MID1: variants seen among roughly 807,000 people sequenced by gnomAD.
MID1 encodes midline 1, also known as E3 ubiquitin-protein ligase Midline-1.
MID1 carries 7 observed loss-of-function variants against 40.4 expected under a neutral mutation model. The observed-to-expected ratio is 0.17, with a 90% CI of 0.10 to 0.33. MID1 has a LOEUF of 0.33. MID1 is among the 10% of genes least tolerant of loss of function. MID1 has a pLI of 1.00. For synonymous variants in MID1, 229 were observed against 221.2 expected (o/e 1.04, Z -0.31); for missense variants, 367 against 558.5 (o/e 0.66, Z 3.46).
At chrX:10,506,539 G>A (rs1002787028) in intron 3 of MID1, 1 of 513,963 alleles carries the variant, frequency 1.9e-6, no homozygotes, top group Non-Finnish European at 3.5e-6. Flanking sequence ...GGAGCTGGTT[G>A]AAAGCTGTTG....
At chrX:10,680,827 T>C (rs2043054124) in intron 1 of MID1, among the ~76,000 whole-genome samples, 1 of 109,168 alleles carries the variant, frequency 9.2e-6, no homozygotes. Context: ...GCTCAGGAGT[T>C]CAAGATCAGC....
intron 1 of MID1, among the ~76,000 whole-genome samples, chrX:10,635,091 T>G (rs192366967): frequency 1.8e-5 from 2 of 112,457 alleles, no homozygotes; most frequent in Admixed American, 1.9e-4. Context: ...AAGGTATTAC[T>G]CATGGGCAAA....
At chrX:10,756,874 G>A (rs1475665646) in intron 1 of MID1, among the ~76,000 whole-genome samples, 1 of 111,552 alleles carries the variant, frequency 9.0e-6, no homozygotes, top group Non-Finnish European at 1.9e-5. Context: ...GCACTTTCCC[G>A]GGCATTGGAC....
At chrX:10,553,117 G>A (rs775515417) in intron 2 of MID1, among the ~76,000 whole-genome samples, 67 of 110,176 alleles carry the variant, frequency 6.1e-4, no homozygotes, top group African/African-American at 2.1e-3. Flanking sequence ...GCGTGGTGGC[G>A]CATGCCTGTA....
chrX:10,558,958 C>T (rs1323173061), intron 2 of MID1, among the ~76,000 whole-genome samples: 2 of 111,894 alleles, frequency 1.8e-5, no homozygotes, highest in African/African-American at 6.5e-5. Flanking sequence ...ACATTGCTCT[C>T]TGCAGGTGAA....
chrX:10,720,052 A>G (rs758947461), intron 1 of MID1, among the ~76,000 whole-genome samples: 2 of 112,166 alleles, frequency 1.8e-5, no homozygotes, highest in African/African-American at 6.5e-5. Context: ...TTAATTCAAG[A>G]TGGATTAAAG....
At chrX:10,790,484 A>C (rs759453526) in intron 1 of MID1, among the ~76,000 whole-genome samples, 14 of 110,260 alleles carry the variant, frequency 1.3e-4, no homozygotes, top group Admixed American at 4.9e-4. Flanking sequence ...GCCATTAGGC[A>C]GCATTGGTAA....
chrX:10,795,197 A>G (rs1183823921), intron 1 of MID1, among the ~76,000 whole-genome samples: 1 of 112,473 alleles, frequency 8.9e-6, no homozygotes, highest in East Asian at 2.8e-4. Flanking sequence ...GTCCCTTGGA[A>G]AGAAAAACCA....
chrX:10,636,886 CTGTGTGTGTG>C (rs36101583), intron 1 of MID1, among the ~76,000 whole-genome samples: 30 of 89,857 alleles, frequency 3.3e-4, no homozygotes, highest in African/African-American at 1.1e-3. Context: ...TCTTAAAACG[CTGTGTGTGTG>C]TGTGTGTGTG....
At position 10,581,370 on chromosome X, in the gene MID1, G is replaced by A. The variant is rs756249523; in HGVS notation, c.-56-13767C>T. ...TGCCATTTCCTTGCAAAGGCAGATC[G>A]GAGCCAGATACTGTACATATCTTAT... On this transcript the variant is annotated intron_variant, in intron 1 of 9. Transcript: ENST00000317552. 4.4e-5 allele frequency among the ~76,000 whole-genome samples: 5 copies of A among 112,629 alleles called. No homozygotes were observed. In the East Asian group the frequency reaches 8.3e-4, roughly 19 times the overall value.
At chrX:10,641,710 C>T (rs1440625897) in intron 1 of MID1, among the ~76,000 whole-genome samples, 1 of 111,295 alleles carries the variant, frequency 9.0e-6, no homozygotes, top group Non-Finnish European at 1.9e-5. Flanking sequence ...AGAGACACAA[C>T]AAAAAAAGAG....
At chrX:10,470,916 G>C (rs1011571426) in intron 6 of MID1, among the ~76,000 whole-genome samples, 2 of 112,228 alleles carry the variant, frequency 1.8e-5, no homozygotes, top group Admixed American at 9.4e-5. Context: ...TGTGGGCCAA[G>C]TCTGGCCCAC....
chrX:10,517,268 C>T (rs930087295), intron 3 of MID1, among the ~76,000 whole-genome samples: 2 of 111,326 alleles, frequency 1.8e-5, no homozygotes, highest in African/African-American at 6.5e-5. Flanking sequence ...AATACAAGGA[C>T]ACCTTCAGGA....
intron 3 of MID1, among the ~76,000 whole-genome samples, chrX:10,513,214 A>G (rs139017452): frequency 0.031 from 3,465 of 112,400 alleles, 88 homozygotes; most frequent in African/African-American, 0.078. Flanking sequence ...GATAATTTCA[A>G]CTTGATTGTC....
intron 1 of MID1, among the ~76,000 whole-genome samples, chrX:10,647,456 G>C (rs1936273662): frequency 8.9e-6 from 1 of 111,914 alleles, no homozygotes; most frequent in Admixed American, 9.5e-5. Flanking sequence ...AAACTATTAA[G>C]AGTATTGTGT....
At chrX:10,685,751 G>T (rs2147072840) in intron 1 of MID1, among the ~76,000 whole-genome samples, 1 of 111,031 alleles carries the variant, frequency 9.0e-6, no homozygotes, top group Admixed American at 9.6e-5. Context: ...CCTTCCTTCT[G>T]AAGGCTCCTA....
chrX:10,673,922 G>A (rs942720273), intron 1 of MID1, among the ~76,000 whole-genome samples: 1 of 111,494 alleles, frequency 9.0e-6, no homozygotes, highest in African/African-American at 3.3e-5. Flanking sequence ...GTGGATTCAA[G>A]ACATGTTCAT....
intron 1 of MID1, among the ~76,000 whole-genome samples, chrX:10,641,499 G>C (rs146433770): frequency 0.014 from 1,584 of 111,436 alleles, 27 homozygotes; most frequent in African/African-American, 0.046. Context: ...ATAGACCAAT[G>C]ACAGGTTCTG....
At chrX:10,465,187 T>TTATATATATATATATATATATA (rs1170214071) in intron 7 of MID1, among the ~76,000 whole-genome samples, 3 of 48,071 alleles carry the variant, frequency 6.2e-5, no homozygotes, top group African/African-American at 2.7e-4. Flanking sequence ...GTCTGAAATT[T>TTATATATATATATATATATATA]TATATATATA....
Sources: gnomAD v4.1 joint callset for allele counts (sites outside exome capture counted in the v4.1 genomes callset) on GRCh38, gnomAD v4.1.1 for gene constraint, MANE v1.5 for transcripts, NCBI Gene and HGNC (gene_info 2026-07-23, HGNC 2026-07-21) for gene names.